Variants in RGPD1 observed in about 807,000 individuals in gnomAD.
RGPD1 encodes RANBP2-like and GRIP domain-containing protein 1.
Under a neutral mutation model 40.6 loss-of-function variants are expected in RGPD1, and 7 were observed. That is an observed-to-expected ratio of 0.17 (90% CI 0.10 to 0.32). RGPD1 has a LOEUF of 0.32. Among genes scored for constraint, RGPD1 ranks in the 10% least tolerant of loss-of-function variants. The probability of loss-of-function intolerance (pLI) is 1.00; values close to 1 mark genes in which losing one functional copy is unlikely to be tolerated. For synonymous variants in RGPD1, 24 were observed against 167.0 expected, an observed-to-expected ratio of 0.14 and a Z score of 6.60; for missense variants, 50 against 472.5, an observed-to-expected ratio of 0.11 and a Z score of 8.29.
At chr2:86,923,033 CTTTTTTTTTTTT>C (rs1196456916) in intron 1 of RGPD1, among the ~76,000 whole-genome samples, 7 of 54,500 alleles carry the variant, frequency 1.3e-4, no homozygotes, top group Non-Finnish European at 2.0e-4. Flanking sequence ...TGGTATATTC[CTTTTTTTTTTTT>C]TTTTTTTTTT....
chr2:86,943,255 C>T (rs1305548260), intron 1 of RGPD1, among the ~76,000 whole-genome samples: 34 of 145,810 alleles, frequency 2.3e-4, no homozygotes, highest in African/African-American at 8.3e-4. Flanking sequence ...TCCAACTCCA[C>T]TCATACTCAC....
At chr2:86,943,165 C>T (rs1285545711) in intron 1 of RGPD1, among the ~76,000 whole-genome samples, 2 of 151,124 alleles carry the variant, frequency 1.3e-5, no homozygotes, top group South Asian at 2.1e-4. Flanking sequence ...CGGACATTTG[C>T]AGTGGCCCGA....
Position 86,931,906 on chromosome 2 carries a change from CAG to C in RGPD1, c.72+17989_72+17990del, listed in dbSNP as rs1226855348. On this transcript the variant is annotated intron_variant, in intron 1 of 22. Transcript: ENST00000398193. ...TTCATTTGGTAGTTAGACATATAGA[CAG>C]AGAAGATAATAATATATTCATTATA... is the stretch of plus-strand genomic sequence containing the variant. Among the ~76,000 whole-genome samples, 5 of 147,878 alleles carry C rather than the reference CAG, an allele frequency of 3.4e-5. No individual in the cohort carries two copies. In the Admixed American group the frequency reaches 3.4e-4, roughly 10 times the overall value.
intron 1 of RGPD1, among the ~76,000 whole-genome samples, chr2:86,942,981 G>T (rs1244524832): frequency 3.9e-5 from 6 of 151,912 alleles, no homozygotes; most frequent in Non-Finnish European, 1.5e-5. Flanking sequence ...TAGTTCTCGG[G>T]GGCTTGGGCA....
intron 1 of RGPD1, among the ~76,000 whole-genome samples, chr2:86,914,940 G>C (rs1677719611): frequency 7.2e-6 from 1 of 138,754 alleles, no homozygotes; most frequent in South Asian, 2.3e-4. Context: ...GCCGGGCGGC[G>C]GCGGCGGCGG....
intron 1 of RGPD1, among the ~76,000 whole-genome samples, chr2:86,925,057 C>T (rs1206563608): frequency 6.6e-6 from 1 of 152,206 alleles, no homozygotes; most frequent in Non-Finnish European, 1.5e-5. Flanking sequence ...TTCATGTGCT[C>T]ATTAGCTGCT....
At chr2:86,971,183 C>A (rs1415105986) in intron 8 of RGPD1, among the ~76,000 whole-genome samples, 1 of 52,166 alleles carries the variant, frequency 1.9e-5, no homozygotes, top group Non-Finnish European at 3.2e-5. Context: ...TACAGGCGCC[C>A]GCCACCAGGG....
At chr2:86,916,489 AGTT>A (rs1677804637) in intron 1 of RGPD1, among the ~76,000 whole-genome samples, 2 of 69,646 alleles carry the variant, frequency 2.9e-5, no homozygotes, top group Non-Finnish European at 6.0e-5. Context: ...TAAACATAGA[AGTT>A]GTATGTTTTT....
intron 1 of RGPD1, among the ~76,000 whole-genome samples, chr2:86,914,142 GCGGCGGCGGCGGCGGCGGCCT>G: frequency 1.1e-5 from 1 of 92,948 alleles, no homozygotes; most frequent in East Asian, 3.0e-4. Context: ...GGCGGCGGCG[GCGGCGGCGGCGGCGGCGGCCT>G]CGGCCTCGGC....
chr2:86,951,243 ATGT>A, intron 1 of RGPD1, 50 bp from the exon 2 acceptor site: 1 of 943,724 alleles, frequency 1.1e-6, no homozygotes, highest in South Asian at 2.0e-5. Context: ...TTTTGAAAAA[ATGT>A]TGGAGAATAT....
At chr2:86,923,425 A>C (rs868012479) in intron 1 of RGPD1, among the ~76,000 whole-genome samples, 174 of 151,582 alleles carry the variant, frequency 1.1e-3, no homozygotes, top group African/African-American at 3.9e-3. Context: ...TTGAGTTTAC[A>C]GTTTGATCAG....
At chr2:86,942,856 G>C (rs1225101566) in intron 1 of RGPD1, among the ~76,000 whole-genome samples, 1 of 152,032 alleles carries the variant, frequency 6.6e-6, no homozygotes, top group Non-Finnish European at 1.5e-5. Flanking sequence ...GGACCGCGGT[G>C]GGCGGGATAC....
chr2:86,955,029 C>A (rs1349211312), intron 4 of RGPD1, among the ~76,000 whole-genome samples: 3 of 23,154 alleles, frequency 1.3e-4, no homozygotes, highest in African/African-American at 3.7e-4. Context: ...GAGACGGAGT[C>A]TCGCTCTGTT....
At chr2:86,925,975 T>TTAAAACATTG in intron 1 of RGPD1, among the ~76,000 whole-genome samples, 1 of 152,092 alleles carries the variant, frequency 6.6e-6, no homozygotes, top group Non-Finnish European at 1.5e-5. Flanking sequence ...ACACCTGGAG[T>TTAAAACATTG]TAAAACATTG....
intron 1 of RGPD1, among the ~76,000 whole-genome samples, chr2:86,942,517 C>T (rs1573607288): frequency 7.6e-6 from 1 of 130,778 alleles, no homozygotes; most frequent in African/African-American, 2.7e-5. Context: ...GGCCGGGCGG[C>T]GGCGGCGGCC....
chr2:86,939,345 G>A (rs1195077557), upstream of RGPD1, among the ~76,000 whole-genome samples: 7 of 144,594 alleles, frequency 4.8e-5, 1 homozygote, highest in African/African-American at 8.0e-5. Context: ...TTGGGAGGCT[G>A]AGGAAGATGG....
chr2:86,915,157 G>A (rs1353641676), intron 1 of RGPD1, among the ~76,000 whole-genome samples: 1 of 150,178 alleles, frequency 6.7e-6, no homozygotes, highest in Non-Finnish European at 1.5e-5. Context: ...TCAGCGGGGT[G>A]TGGTGGTGCA....
At chr2:86,942,735 G>A (rs1411746610) in intron 1 of RGPD1, among the ~76,000 whole-genome samples, 1 of 150,356 alleles carries the variant, frequency 6.7e-6, no homozygotes, top group Non-Finnish European at 1.5e-5. Context: ...TGGCTCAGGC[G>A]TCATGGCTCC....
At chr2:86,930,715 A>T in intron 1 of RGPD1, 1 of 1,559,818 alleles carries the variant, frequency 6.4e-7, no homozygotes, top group Non-Finnish European at 8.7e-7. Flanking sequence ...AGTGCCCCCC[A>T]GGCCTCCTCG....
Sources: allele counts gnomAD v4.1 joint callset (sites outside exome capture counted in the v4.1 genomes callset), GRCh38; gene constraint gnomAD v4.1.1; transcripts MANE v1.5; gene names NCBI Gene and HGNC (gene_info 2026-07-23, HGNC 2026-07-21).